CACNA1D: variants seen among roughly 807,000 people sequenced by gnomAD.
CACNA1D encodes the protein voltage-dependent L-type calcium channel subunit alpha-1D.
Under a neutral mutation model 257.1 loss-of-function variants are expected in CACNA1D, and 55 were observed. The ratio of observed to expected loss-of-function variants is 0.21; its 90% CI spans 0.17 to 0.27. The LOEUF is 0.27. Ranked by LOEUF, CACNA1D falls within the 10% of genes least tolerant of loss-of-function variation. The pLI is 1.00. For synonymous variants in CACNA1D, 980 were observed against 1,014.9 expected (o/e 0.97, Z 0.65); for missense variants, 1,876 against 2,784.0 (o/e 0.67, Z 7.34).
intron 3 of CACNA1D, among the ~76,000 whole-genome samples, chr3:53,602,897 A>G (rs1205460399): frequency 6.6e-6 from 1 of 152,164 alleles, no homozygotes; most frequent in African/African-American, 2.4e-5. Flanking sequence ...CATTCTGTGC[A>G]TTACCTATTC....
chr3:53,495,292 C>T lies in CACNA1D; in HGVS notation c.67+59C>T. ...ATCCGATCCTGTCATGGTCCTCCAG[C>T]CCCCTCCCCCTTCCCCGCGGCGCTG... On this transcript the variant is annotated intron_variant, in intron 1 of 47. Coordinates refer to ENST00000350061, the MANE Select transcript of CACNA1D (RefSeq NM_001128840.3). This position sits in a 1 kb window ranked among gnomAD's most constrained non-coding sequence, Gnocchi z 5.1. 6.2e-7 allele frequency: 1 copy of T among 1,601,048 alleles called. No individual in the cohort carries two copies. The highest frequency in any genetic ancestry group is 8.5e-7 in the Non-Finnish European group (1 of 1,170,050).
chr3:53,708,725 C>T (rs2094718056), intron 9 of CACNA1D, among the ~76,000 whole-genome samples: 1 of 152,126 alleles, frequency 6.6e-6, no homozygotes, highest in African/African-American at 2.4e-5. Flanking sequence ...TATTTGCCTA[C>T]ATAAAAAATT....
At chr3:53,646,952 C>G (rs1488638506) in intron 3 of CACNA1D, among the ~76,000 whole-genome samples, 1 of 152,192 alleles carries the variant, frequency 6.6e-6, no homozygotes, top group East Asian at 1.9e-4. Context: ...TTCTGTTTCT[C>G]AAGATTCTGT....
chr3:53,544,703 G>A (rs1039891174), intron 3 of CACNA1D, among the ~76,000 whole-genome samples: 1 of 152,202 alleles, frequency 6.6e-6, no homozygotes, highest in South Asian at 2.1e-4. Context: ...CTTCTCACAA[G>A]GGGATGGCAT....
chr3:53,535,681 C>A (rs1342191523), intron 3 of CACNA1D, among the ~76,000 whole-genome samples: 2 of 152,182 alleles, frequency 1.3e-5, no homozygotes, highest in African/African-American at 4.8e-5. Flanking sequence ...AGACTAATTA[C>A]TTGAAATCCT....
rs1371975328 is a variant in CACNA1D at position 53,497,577 on chromosome 3, A to G, written c.377+116A>G. ...AGCAGTCTGGAATGCGAGTAACAGA[A>G]GTTGTATATAAGGGGTTTCATTGTA... On this transcript the variant is annotated intron_variant, in intron 2 of 47. Coordinates refer to ENST00000350061, the MANE Select transcript of CACNA1D (RefSeq NM_001128840.3). The G allele has an allele frequency of 3.8e-6, 4 of 1,065,642 alleles. 1 individual carries two copies. Among genetic ancestry groups the G allele is most frequent in the Middle Eastern group, 4.1e-4 (2 of 4,902 alleles). 66.0% of individuals were successfully genotyped at this position (1,065,642 alleles called of 1,614,324 possible). A position where few individuals can be genotyped will look rare whatever the true frequency, so the allele number is the denominator to read the frequency against.
At chr3:53,784,710 A>G (rs527564649) in intron 39 of CACNA1D, among the ~76,000 whole-genome samples, 13 of 152,242 alleles carry the variant, frequency 8.5e-5, no homozygotes, top group African/African-American at 2.9e-4. Context: ...AGGCTGTGGC[A>G]TGGCAGGCCA....
At chr3:53,566,779 G>C (rs958441095) in intron 3 of CACNA1D, among the ~76,000 whole-genome samples, 2 of 152,136 alleles carry the variant, frequency 1.3e-5, no homozygotes, top group Admixed American at 6.5e-5. Flanking sequence ...TTGCCTCTCT[G>C]TCGGAAACTT....
chr3:53,703,480 C>T (rs1360554582), intron 9 of CACNA1D, among the ~76,000 whole-genome samples: 3 of 152,202 alleles, frequency 2.0e-5, no homozygotes, highest in Admixed American at 6.5e-5. Flanking sequence ...TTGTCAACCA[C>T]GGTGTCTCTT....
At chr3:53,543,051 T>A (rs530418042) in intron 3 of CACNA1D, among the ~76,000 whole-genome samples, 1 of 146,450 alleles carries the variant, frequency 6.8e-6, no homozygotes, top group East Asian at 2.0e-4. Flanking sequence ...AAACTCCGAC[T>A]ACATGTACCC....
intron 3 of CACNA1D, among the ~76,000 whole-genome samples, chr3:53,599,603 A>C (rs1426187310): frequency 6.6e-6 from 1 of 152,158 alleles, no homozygotes; most frequent in East Asian, 1.9e-4. Flanking sequence ...CCCATCTCTA[A>C]GCCTCAGTTT....
At chr3:53,526,197 G>A (rs1015321300) in intron 3 of CACNA1D, among the ~76,000 whole-genome samples, 4 of 152,208 alleles carry the variant, frequency 2.6e-5, no homozygotes, top group African/African-American at 9.6e-5. Flanking sequence ...CTGCTGACGT[G>A]GGGCCAGGTC....
At chr3:53,796,345 A>G (rs900548939) in intron 40 of CACNA1D, 7 of 455,866 alleles carry the variant, frequency 1.5e-5, no homozygotes, top group African/African-American at 4.0e-5. Context: ...CTGAAGATGA[A>G]TGGCCTGGCC....
At chr3:53,640,203 G>T (rs747067346) in intron 3 of CACNA1D, among the ~76,000 whole-genome samples, 13 of 152,134 alleles carry the variant, frequency 8.5e-5, no homozygotes, top group Non-Finnish European at 1.8e-4. Flanking sequence ...ACATATTGGA[G>T]GGTTGACCTG....
chr3:53,588,649 C>G (rs1388060839), intron 3 of CACNA1D, among the ~76,000 whole-genome samples: 1 of 152,168 alleles, frequency 6.6e-6, no homozygotes, highest in African/African-American at 2.4e-5. Flanking sequence ...AGCAAAGGCC[C>G]TGGTGAGGAT....
intron 4 of CACNA1D, among the ~76,000 whole-genome samples, chr3:53,655,174 T>TAAA: frequency 6.6e-6 from 1 of 152,364 alleles, no homozygotes; most frequent in South Asian, 2.1e-4. Context: ...CTGCATAGTA[T>TAAA]TCCTTGGTGT....
chr3:53,726,160 C>T (rs2094932587), intron 14 of CACNA1D, among the ~76,000 whole-genome samples: 1 of 152,142 alleles, frequency 6.6e-6, no homozygotes, highest in South Asian at 2.1e-4. Context: ...AAAAACAAGC[C>T]AGTTGCAGAA....
At chr3:53,722,561 A>G (rs911447341) in intron 12 of CACNA1D, 87 bp downstream of exon 12, 9 of 1,295,882 alleles carry the variant, frequency 6.9e-6, no homozygotes, top group Non-Finnish European at 1.0e-5. Context: ...TGATCGCTGC[A>G]TGATGAAGTA....
intron 8 of CACNA1D, among the ~76,000 whole-genome samples, chr3:53,683,299 T>G (rs1220884872): frequency 6.6e-6 from 1 of 152,212 alleles, no homozygotes; most frequent in Non-Finnish European, 1.5e-5. Flanking sequence ...TGGAAGGACC[T>G]AATTGAATAC....
Sources: allele counts gnomAD v4.1 joint callset (sites outside exome capture counted in the v4.1 genomes callset), GRCh38; gene constraint gnomAD v4.1.1; non-coding constraint Gnocchi (gnomAD v3.1); transcripts MANE v1.5; gene names NCBI Gene and HGNC (gene_info 2026-07-23, HGNC 2026-07-21).